CES1: variants seen among roughly 807,000 people sequenced by gnomAD.
The protein encoded by CES1 is liver carboxylesterase 1.
Under a neutral mutation model 53.0 loss-of-function variants are expected in CES1, and 50 were observed. The ratio of observed to expected loss-of-function variants is 0.94; its 90% CI spans 0.75 to 1.19. The LOEUF (loss-of-function observed/expected upper bound fraction) is 1.19, where lower values mean the gene tolerates loss of function less well. CES1 is among the 50% of genes most tolerant of loss of function. The probability of loss-of-function intolerance (pLI) is 0.00; values close to 1 mark genes in which losing one functional copy is unlikely to be tolerated. For synonymous variants in CES1, 202 were observed against 210.1 expected (o/e 0.96, Z 0.33); for missense variants, 534 against 538.0 (o/e 0.99, Z 0.07).
At chr16:55,823,754 T>C in intron 3 of CES1, 71 bp from the exon 4 acceptor site, 1 of 1,608,906 alleles carries the variant, frequency 6.2e-7, no homozygotes, top group Non-Finnish European at 8.5e-7. Context: ...ATGTCTTGTT[T>C]GGTGACCTAC....
intron 9 of CES1, among the ~76,000 whole-genome samples, chr16:55,812,594 T>A (rs763855872): frequency 2.6e-5 from 4 of 152,088 alleles, no homozygotes; most frequent in African/African-American, 4.8e-5. Context: ...TCCTTCCCCC[T>A]TCTAGGCCCC....
chr16:55,813,499 C>T (rs1452023008), intron 8 of CES1, among the ~76,000 whole-genome samples: 1 of 152,008 alleles, frequency 6.6e-6, no homozygotes, highest in African/African-American at 2.4e-5. Context: ...TTTCATCAAC[C>T]TTCTTTTATG....
At chr16:55,808,583 A>T (rs1438330168) in intron 11 of CES1, among the ~76,000 whole-genome samples, 2 of 152,200 alleles carry the variant, frequency 1.3e-5, no homozygotes, top group Admixed American at 6.5e-5. Flanking sequence ...CCAAAGTTCT[A>T]AAACATTTGC....
chr16:55,817,025 A>T, intron 7 of CES1, 63 bp from the exon 8 acceptor site: 1 of 1,572,740 alleles, frequency 6.4e-7, no homozygotes, highest in Non-Finnish European at 8.8e-7. Flanking sequence ...GAGCTGGGTG[A>T]GTGGGGCAAC....
chr16:55,828,239 TCTC>T (rs1261844792), intron 2 of CES1: 1 of 211,802 alleles, frequency 4.7e-6, no homozygotes, highest in African/African-American at 2.3e-5. Flanking sequence ...CTTCCATTGT[TCTC>T]CTCAGGAATA....
At chr16:55,830,238 C>A (rs1234096545) in intron 1 of CES1, among the ~76,000 whole-genome samples, 2 of 152,200 alleles carry the variant, frequency 1.3e-5, no homozygotes, top group East Asian at 3.8e-4. Context: ...TAATAGCCAA[C>A]CCTGCAATGT....
chr16:55,810,477 G>A (rs766453805), intron 11 of CES1, 40 bp downstream of exon 11: 18 of 1,613,306 alleles, frequency 1.1e-5, no homozygotes, highest in African/African-American at 2.7e-5. Flanking sequence ...ACAGAAGCTC[G>A]TGGGGTTTGT....
At chr16:55,818,792 G>A (rs1246250108) in intron 7 of CES1, among the ~76,000 whole-genome samples, 21 of 151,576 alleles carry the variant, frequency 1.4e-4, no homozygotes, top group African/African-American at 5.1e-4. Context: ...TCAATACATG[G>A]AGTACAGTTG....
chr16:55,823,081 C>T (rs1354467645), intron 4 of CES1, among the ~76,000 whole-genome samples: 2 of 152,112 alleles, frequency 1.3e-5, no homozygotes, highest in Non-Finnish European at 2.9e-5. Flanking sequence ...GATGCTCCCA[C>T]ACCCCACCAT....
At chr16:55,826,965 A>G (rs1427569703) in intron 2 of CES1, among the ~76,000 whole-genome samples, 1 of 152,192 alleles carries the variant, frequency 6.6e-6, no homozygotes, top group Non-Finnish European at 1.5e-5. Context: ...CCCATTAGGT[A>G]GGTTCTATTA....
chr16:55,815,512 T>C (rs3859094), intron 8 of CES1, among the ~76,000 whole-genome samples: 80 of 152,256 alleles, frequency 5.3e-4, no homozygotes, highest in African/African-American at 1.9e-3. Flanking sequence ...GTTCTCCACT[T>C]AGAGTTTGCA....
chr16:55,815,502 G>T (rs1485050093), intron 8 of CES1, among the ~76,000 whole-genome samples: 3 of 152,234 alleles, frequency 2.0e-5, no homozygotes, highest in Non-Finnish European at 2.9e-5. Flanking sequence ...ACAAGTGATT[G>T]TTCTCCACTT....
intron 1 of CES1, among the ~76,000 whole-genome samples, chr16:55,832,716 A>C (rs1398284539): frequency 1.3e-5 from 2 of 152,218 alleles, no homozygotes; most frequent in Non-Finnish European, 2.9e-5. Context: ...GGGACAGCAA[A>C]CTGAGCTGCC....
chr16:55,820,616 C>A, intron 5 of CES1, 137 bp from the exon 6 acceptor site: 1 of 1,433,860 alleles, frequency 7.0e-7, no homozygotes, highest in Non-Finnish European at 9.7e-7. Flanking sequence ...GACCCTCTGC[C>A]CACCTCAAGG....
At chr16:55,812,125 C>T (rs2031726552) in intron 9 of CES1, among the ~76,000 whole-genome samples, 2 of 152,226 alleles carry the variant, frequency 1.3e-5, no homozygotes, top group Non-Finnish European at 2.9e-5. Context: ...CTATTGCAAT[C>T]ATATTACTGA....
chr16:55,811,210 C>CA (rs147594975), intron 9 of CES1, among the ~76,000 whole-genome samples, 200 bp from the exon 10 acceptor site: 87,978 of 137,712 alleles, frequency 0.64, 27,507 homozygotes, highest in Non-Finnish European at 0.71. Flanking sequence ...GCAAAGTTTA[C>CA]AAAAAAAAAA....
rs528136643 is a variant in CES1 at position 55,831,894 on chromosome 16, G to A, written c.52+1110C>T. ...AGTTTCTCTGTCTATAAAATGGCATGGGGGTATTTCGAGGCCCCTCGCTGC... is the reference window on the plus strand; with the variant it reads ...AGTTTCTCTGTCTATAAAATGGCATAGGGGTATTTCGAGGCCCCTCGCTGC... On this transcript the variant is annotated intron_variant, in intron 1 of 13. Coordinates refer to ENST00000360526, the MANE Select transcript of CES1 (RefSeq NM_001025195.2). Among the ~76,000 whole-genome samples, 304 of 151,158 alleles carry A rather than the reference G, an allele frequency of 2.0e-3. No homozygotes were observed. In the South Asian group the frequency reaches 0.048, roughly 24 times the overall value.
intron 1 of CES1, among the ~76,000 whole-genome samples, chr16:55,832,492 T>C (rs2032721434): frequency 6.6e-6 from 1 of 152,114 alleles, no homozygotes; most frequent in Admixed American, 6.5e-5. Context: ...ACCCATTTCC[T>C]CCTCACCAAA....
At chr16:55,831,984 G>A (rs1280592981) in intron 1 of CES1, among the ~76,000 whole-genome samples, 1 of 125,548 alleles carries the variant, frequency 8.0e-6, no homozygotes, top group African/African-American at 2.8e-5. Flanking sequence ...AGGCCTTGTT[G>A]ACCTTGGAGA....
Sources: gnomAD v4.1 joint callset for allele counts (sites outside exome capture counted in the v4.1 genomes callset) on GRCh38, gnomAD v4.1.1 for gene constraint, MANE v1.5 for transcripts, NCBI Gene and HGNC (gene_info 2026-07-23, HGNC 2026-07-21) for gene names.